SLC7A5: variants seen among roughly 807,000 people sequenced by gnomAD.
SLC7A5 encodes the protein large neutral amino acids transporter small subunit 1.
A neutral mutation model predicts 50.2 loss-of-function variants in SLC7A5; 23 were observed. That is an observed-to-expected ratio of 0.46 (90% confidence interval 0.33 to 0.65). The LOEUF is 0.65. Ranked by LOEUF, SLC7A5 falls within the 30% of genes least tolerant of loss-of-function variation. The pLI is 0.02. For synonymous variants in SLC7A5, 393 were observed against 330.6 expected, an observed-to-expected ratio of 1.19 and a Z score of -2.05; for missense variants, 578 against 684.4, an observed-to-expected ratio of 0.84 and a Z score of 1.73.
intron 7 of SLC7A5, chr16:87,836,858 G>A (rs2055011430): frequency 4.0e-6 from 2 of 500,850 alleles, no homozygotes; most frequent in Admixed American, 5.7e-5. Context: ...AAGAGGCGGG[G>A]AGGAGGGAAG....
chr16:87,839,327 G>A (rs1166482861), intron 5 of SLC7A5, among the ~76,000 whole-genome samples: 2 of 152,240 alleles, frequency 1.3e-5, no homozygotes, highest in African/African-American at 4.8e-5. Flanking sequence ...AGCAGCAGCC[G>A]TGCCTTCTAA....
chr16:87,851,923 G>A lies in SLC7A5; in HGVS notation c.539-74C>T, dbSNP rs33954409. 1.2e-3 allele frequency: 1,947 copies of A among 1,578,124 alleles called. 3 individuals carry two copies. The highest frequency in any genetic ancestry group is 1.5e-3 in the Non-Finnish European group (1,745 of 1,152,684). ...GCTCAGGGGTAGGCTGGGAGGTGACGACCCCACCCCCACCCCAGGGCCAGG... is the reference window on the plus strand; with the variant it reads ...GCTCAGGGGTAGGCTGGGAGGTGACAACCCCACCCCCACCCCAGGGCCAGG... On this transcript the variant is annotated intron_variant, in intron 1 of 9. Transcript: ENST00000261622.
chr16:87,837,798 G>A (rs746440041), intron 7 of SLC7A5, 47 bp downstream of exon 7: 100 of 1,500,836 alleles, frequency 6.7e-5, no homozygotes, highest in Middle Eastern at 1.8e-4. Context: ...GGGAGCCCCC[G>A]GACAACCCCC....
intron 1 of SLC7A5, among the ~76,000 whole-genome samples, chr16:87,859,143 G>T (rs1319608490): frequency 6.6e-6 from 1 of 152,222 alleles, no homozygotes; most frequent in South Asian, 2.1e-4. Context: ...TTCCAGCTCT[G>T]AAGCAAACGA....
rs1334211064 is a variant in SLC7A5, at chr16:87,839,741, C to T, written c.900G>A (p.Leu300=). The change falls in exon 5 of 10, where the codon CTG becomes CTA. Residue 300 remains leucine (L), a synonymous_variant. Coordinates refer to ENST00000261622, the MANE Select transcript of SLC7A5 (RefSeq NM_003486.7). The part of the protein sequence containing the change: ...VLTNLAYFTT[L]STEQMLSSEA... ...CGGACGACAGCATCTGCTCGGTGGA[C>T]AGGGTGGTGAAGTAGGCCAGGTTGG... The T allele has an allele frequency of 1.5e-5, 25 of 1,613,712 alleles. No homozygotes were observed. Among genetic ancestry groups the T allele is most frequent in the Non-Finnish European group, 2.1e-5 (25 of 1,179,984 alleles).
chr16:87,838,771 A>G lies in SLC7A5; in HGVS notation c.986T>C (p.Val329Ala), dbSNP rs2055044696. 1 of 1,613,930 alleles carries G rather than the reference A, an allele frequency of 6.2e-7. No individual in the cohort carries two copies. The highest frequency in any genetic ancestry group is 1.1e-5 in the South Asian group (1 of 91,090). Residue 329 changes from valine (V) to alanine (A), a missense_variant, in exon 6 of 10, where the codon GTC becomes GCC. This residue lies in a region of SLC7A5 where 465 missense variants were observed against 594.6 expected (regional missense o/e 0.78). Coordinates refer to ENST00000261622, the MANE Select transcript of SLC7A5 (RefSeq NM_003486.7). Reference protein sequence around the residue: ...HLGVMSWIIPVFVGLSCFGSV... With the variant: ...HLGVMSWIIPAFVGLSCFGSV... Reference sequence around the variant, plus strand: ...GCCGAAGCAGGACAGGCCCACGAAGACGGGGATGATCCAGGACATGACGCC... The same window carrying G: ...GCCGAAGCAGGACAGGCCCACGAAGGCGGGGATGATCCAGGACATGACGCC...
At chr16:87,856,235 C>T (rs569230885) in intron 1 of SLC7A5, among the ~76,000 whole-genome samples, 6 of 152,338 alleles carry the variant, frequency 3.9e-5, no homozygotes, top group South Asian at 4.1e-4. Context: ...CTGTGTTCCG[C>T]GCACGGTTTC....
In SLC7A5 at chr16:87,853,805, G is replaced by A. The variant is rs572312614; in HGVS notation, c.539-1956C>T. Reference sequence around the variant, plus strand: ...GAGTGGGTGTGGCCAAGCCGCACTCGAGGCTGCCTCTCCCCAAAAGGGAGA... The same window carrying A: ...GAGTGGGTGTGGCCAAGCCGCACTCAAGGCTGCCTCTCCCCAAAAGGGAGA... On this transcript the variant is annotated intron_variant, in intron 1 of 9. Coordinates refer to ENST00000261622, the MANE Select transcript of SLC7A5 (RefSeq NM_003486.7). The surrounding 1 kb of genome is among the most constrained non-coding windows in gnomAD (Gnocchi z 4.4). The A allele has an allele frequency of 9.2e-5, 14 of 152,270 alleles. No homozygotes were observed. The highest frequency in any genetic ancestry group is 1.9e-4 in the African/African-American group (8 of 41,550). 9.4% of individuals were successfully genotyped at this position (152,270 alleles called of 1,614,324 possible).
At chr16:87,843,323 T>C (rs766206835) in intron 2 of SLC7A5, among the ~76,000 whole-genome samples, 71 of 148,172 alleles carry the variant, frequency 4.8e-4, no homozygotes, top group Non-Finnish European at 8.6e-4. Flanking sequence ...GAGCCAGATA[T>C]TGGCAGCCCT....
chr16:87,836,433 C>T lies in SLC7A5; in HGVS notation c.1290+65G>A. On this transcript the variant is annotated intron_variant, in intron 8 of 9. Coordinates refer to ENST00000261622, the MANE Select transcript of SLC7A5 (RefSeq NM_003486.7). ...GGGATGCTGGCTCCCAACTCAGGGT[C>T]CTTAGGACCCACGGACCCTGCCTCT... 3 of 1,581,418 alleles carry T rather than the reference C, an allele frequency of 1.9e-6. No homozygotes were observed. The South Asian group carries it at 3.3e-5, about 18-fold the overall frequency.
At chr16:87,842,224 T>C (rs1026394428) in intron 2 of SLC7A5, among the ~76,000 whole-genome samples, 1 of 152,134 alleles carries the variant, frequency 6.6e-6, no homozygotes, top group African/African-American at 2.4e-5. Flanking sequence ...GTTAGTTCAT[T>C]AGAGAACCGT....
rs1251553987 is a variant in SLC7A5, at chr16:87,853,669, C to T, written c.539-1820G>A. 1.3e-5 allele frequency among the ~76,000 whole-genome samples: 2 copies of T among 152,168 alleles called. No homozygotes were observed. Among genetic ancestry groups the T allele is most frequent in the Non-Finnish European group, 2.9e-5 (2 of 68,024 alleles). On this transcript the variant is annotated intron_variant, in intron 1 of 9. Transcript: ENST00000261622. This position sits in a 1 kb window ranked among gnomAD's most constrained non-coding sequence, Gnocchi z 4.4. ...TCCTTATGGTTGGGGGGAGCACGAC[C>T]ATAAAAGAAACTGAGCCTCGGGGAC...
chr16:87,833,588 T>G lies in SLC7A5; in HGVS notation c.1469-563A>C, dbSNP rs2054959048. On this transcript the variant is annotated intron_variant, in intron 9 of 9. Coordinates refer to ENST00000261622, the MANE Select transcript of SLC7A5 (RefSeq NM_003486.7). This position sits in a 1 kb window ranked among gnomAD's most constrained non-coding sequence, Gnocchi z 6.0. ...GTTAATGCAGATCCCACTGCAAAGC[T>G]TGAGGCAAATGTTCTACCATGACCC... Among the ~76,000 whole-genome samples, 1 of 152,184 alleles carries G rather than the reference T, an allele frequency of 6.6e-6. No individual in the cohort carries two copies. Among genetic ancestry groups the G allele is most frequent in the African/African-American group, 2.4e-5 (1 of 41,448 alleles).
intron 1 of SLC7A5, among the ~76,000 whole-genome samples, chr16:87,858,813 C>T (rs4369670): frequency 0.062 from 9,407 of 152,268 alleles, 354 homozygotes; most frequent in South Asian, 0.15. Flanking sequence ...ACAGACTCTG[C>T]GCTCAGGCTT....
rs144126049 is a variant in SLC7A5 at position 87,860,812 on chromosome 16, C to T, written c.538+8073G>A. ...ATAGGAGGTCGGTGCTCATTCCTCACGTAGTGGGCAAATCCTAGGGCAGGG... is the reference window on the plus strand; with the variant it reads ...ATAGGAGGTCGGTGCTCATTCCTCATGTAGTGGGCAAATCCTAGGGCAGGG... On this transcript the variant is annotated intron_variant, in intron 1 of 9. Transcript: ENST00000261622. The surrounding 1 kb of genome is among the most constrained non-coding windows in gnomAD (Gnocchi z 4.8). 9.2e-5 allele frequency among the ~76,000 whole-genome samples: 14 copies of T among 152,304 alleles called. No homozygotes were observed. In the East Asian group the frequency reaches 1.9e-3, roughly 21 times the overall value.
intron 6 of SLC7A5, among the ~76,000 whole-genome samples, chr16:87,838,266 C>T (rs2055037374): frequency 6.8e-6 from 1 of 148,080 alleles, no homozygotes; most frequent in Non-Finnish European, 1.5e-5. Context: ...TCCTTTATTT[C>T]TGTATTATTT....
At chr16:87,857,542 C>T (rs1003955460) in intron 1 of SLC7A5, among the ~76,000 whole-genome samples, 2 of 152,224 alleles carry the variant, frequency 1.3e-5, no homozygotes, top group African/African-American at 4.8e-5. Flanking sequence ...CTTGGCCTCC[C>T]AAAGTGTTGG....
At chr16:87,849,999 G>A (rs1352364654) in intron 2 of SLC7A5, among the ~76,000 whole-genome samples, 1 of 152,176 alleles carries the variant, frequency 6.6e-6, no homozygotes, top group Non-Finnish European at 1.5e-5. Context: ...AGACAGTCTG[G>A]CCCCAGCCCC....
intron 1 of SLC7A5, among the ~76,000 whole-genome samples, chr16:87,863,383 G>C (rs2055422577): frequency 6.6e-6 from 1 of 152,190 alleles, no homozygotes; most frequent in Non-Finnish European, 1.5e-5. Flanking sequence ...GGCCCAGGGA[G>C]GTCAGATAAA....
Sources: allele counts gnomAD v4.1 joint callset (sites outside exome capture counted in the v4.1 genomes callset), GRCh38; gene constraint gnomAD v4.1.1; regional missense constraint gnomAD v4.1.1; non-coding constraint Gnocchi (gnomAD v3.1); transcripts MANE v1.5; gene names NCBI Gene and HGNC (gene_info 2026-07-23, HGNC 2026-07-21).